SGCZ: variants seen among roughly 807,000 people sequenced by gnomAD.
The protein encoded by SGCZ is zeta-sarcoglycan.
Under a neutral mutation model 41.3 loss-of-function variants are expected in SGCZ, and 40 were observed. That is an observed-to-expected ratio of 0.97 (90% CI 0.75 to 1.26). SGCZ has a LOEUF of 1.26. Ranked by LOEUF, SGCZ falls within the 50% of genes most tolerant of loss-of-function variation. The pLI is 0.00. For synonymous variants in SGCZ, 206 were observed against 137.5 expected, an observed-to-expected ratio of 1.50 and a Z score of -3.49; for missense variants, 552 against 369.8, an observed-to-expected ratio of 1.49 and a Z score of -4.04.
chr8:14,668,959 G>T (rs1563190852), intron 1 of SGCZ, among the ~76,000 whole-genome samples: 1 of 151,786 alleles, frequency 6.6e-6, no homozygotes, highest in Non-Finnish European at 1.5e-5. Flanking sequence ...TTTGTGGTGA[G>T]AACATGTAAG....
At chr8:14,595,815 C>A (rs1332528268) in intron 1 of SGCZ, among the ~76,000 whole-genome samples, 1 of 152,146 alleles carries the variant, frequency 6.6e-6, no homozygotes, top group Non-Finnish European at 1.5e-5. Flanking sequence ...TTTAATTGTT[C>A]TGACAATTGT....
intron 1 of SGCZ, among the ~76,000 whole-genome samples, chr8:14,629,533 C>T (rs916900832): frequency 6.6e-5 from 10 of 151,276 alleles, no homozygotes; most frequent in Non-Finnish European, 1.5e-4. Context: ...CATAAGATAT[C>T]GGGAAGTAAA....
At chr8:14,594,665 A>G in intron 1 of SGCZ, among the ~76,000 whole-genome samples, 1 of 151,992 alleles carries the variant, frequency 6.6e-6, no homozygotes, top group Admixed American at 6.5e-5. Context: ...GGCACTCTAA[A>G]AGGGCATGGG....
chr8:14,761,236 C>A (rs1319806035), intron 1 of SGCZ, among the ~76,000 whole-genome samples: 8 of 152,060 alleles, frequency 5.3e-5, no homozygotes, highest in Admixed American at 5.2e-4. Context: ...ATTCCTCTAA[C>A]AAAGCACATT....
chr8:14,973,811 T>A (rs2130868372), intron 1 of SGCZ, among the ~76,000 whole-genome samples: 1 of 152,328 alleles, frequency 6.6e-6, no homozygotes, highest in East Asian at 1.9e-4. Flanking sequence ...TCTGAATGTC[T>A]TTAATATTAT....
At chr8:14,471,189 T>G (rs1585559336) in intron 2 of SGCZ, among the ~76,000 whole-genome samples, 1 of 152,198 alleles carries the variant, frequency 6.6e-6, no homozygotes, top group Non-Finnish European at 1.5e-5. Context: ...CAATTTAATA[T>G]TTGTCAAAAC....
At chr8:14,146,679 C>T (rs1328550004) in intron 5 of SGCZ, among the ~76,000 whole-genome samples, 1 of 151,428 alleles carries the variant, frequency 6.6e-6, no homozygotes, top group Admixed American at 6.6e-5. Context: ...GAGACCATCC[C>T]GGCTAAAACA....
In SGCZ at chr8:14,516,693, G is replaced by A. The variant is rs1802631716; in HGVS notation, c.234+38039C>T. 2.0e-5 allele frequency among the ~76,000 whole-genome samples: 3 copies of A among 152,038 alleles called. No homozygotes were observed. The South Asian group carries it at 6.2e-4, about 31-fold the overall frequency. On this transcript the variant is annotated intron_variant, in intron 2 of 7. Coordinates refer to ENST00000382080, the MANE Select transcript of SGCZ (RefSeq NM_139167.4). ...TTGCTCTAACTGTTTTTCATATGAA[G>A]TGAGTTTTTCTTGTTCACCGTTGAC...
At chr8:14,608,859 A>G (rs1032295097) in intron 1 of SGCZ, among the ~76,000 whole-genome samples, 2 of 152,170 alleles carry the variant, frequency 1.3e-5, no homozygotes, top group Non-Finnish European at 2.9e-5. Context: ...AAAATGACAA[A>G]AAAAAGGTCC....
intron 1 of SGCZ, among the ~76,000 whole-genome samples, chr8:15,195,130 T>A (rs1236777497): frequency 6.6e-6 from 1 of 152,190 alleles, no homozygotes; most frequent in Non-Finnish European, 1.5e-5. Context: ...ACATTTACAT[T>A]CTGAAAACTG....
intron 3 of SGCZ, among the ~76,000 whole-genome samples, chr8:14,244,471 T>A (rs1799011563): frequency 6.6e-6 from 1 of 152,196 alleles, no homozygotes; most frequent in African/African-American, 2.4e-5. Context: ...AAAGTACCAG[T>A]ACCATGCTGT....
chr8:14,442,001 C>T (rs1260664022), intron 2 of SGCZ, among the ~76,000 whole-genome samples: 1 of 152,202 alleles, frequency 6.6e-6, no homozygotes, highest in Non-Finnish European at 1.5e-5. Flanking sequence ...TTCTGAAAGC[C>T]ATACATTCCC....
intron 1 of SGCZ, among the ~76,000 whole-genome samples, chr8:14,815,228 G>T (rs2130549914): frequency 6.7e-6 from 1 of 148,966 alleles, no homozygotes; most frequent in African/African-American, 2.5e-5. Context: ...TACTTGAGTA[G>T]ATTATCTCAA....
intron 4 of SGCZ, among the ~76,000 whole-genome samples, chr8:14,176,065 G>C (rs1804533426): frequency 6.6e-6 from 1 of 151,966 alleles, no homozygotes; most frequent in South Asian, 2.1e-4. Context: ...TTGGACCAAA[G>C]AACAAAAAGA....
At chr8:14,892,983 A>G (rs995577397) in intron 1 of SGCZ, among the ~76,000 whole-genome samples, 2 of 152,200 alleles carry the variant, frequency 1.3e-5, no homozygotes, top group African/African-American at 4.8e-5. Context: ...TCTTCCATAC[A>G]GAGCATATGG....
chr8:14,547,610 TA>T (rs1308554900), intron 2 of SGCZ, among the ~76,000 whole-genome samples: 1 of 152,190 alleles, frequency 6.6e-6, no homozygotes, highest in East Asian at 1.9e-4. Context: ...GTGTTTACTC[TA>T]AGGTCTGTTT....
At chr8:14,902,429 C>T (rs895982490) in intron 1 of SGCZ, among the ~76,000 whole-genome samples, 3 of 152,042 alleles carry the variant, frequency 2.0e-5, no homozygotes, top group African/African-American at 7.2e-5. Context: ...AAGTTTTTGC[C>T]CAAGAATTCC....
intron 2 of SGCZ, among the ~76,000 whole-genome samples, chr8:14,420,174 C>T (rs1375124566): frequency 1.3e-5 from 2 of 151,626 alleles, no homozygotes; most frequent in African/African-American, 4.8e-5. Flanking sequence ...TGTTTTTTAC[C>T]CTATATTACC....
At chr8:14,400,596 T>C (rs1368636837) in intron 2 of SGCZ, among the ~76,000 whole-genome samples, 1 of 152,124 alleles carries the variant, frequency 6.6e-6, no homozygotes, top group Non-Finnish European at 1.5e-5. Context: ...TCAGGTTACT[T>C]TGCTTTATAA....
Sources: gnomAD v4.1 joint callset for allele counts (sites outside exome capture counted in the v4.1 genomes callset) on GRCh38, gnomAD v4.1.1 for gene constraint, MANE v1.5 for transcripts, NCBI Gene and HGNC (gene_info 2026-07-23, HGNC 2026-07-21) for gene names.